The following RIMS1 variants were observed in gnomAD, a reference collection of about 807,000 sequenced individuals.
RIMS1 encodes regulating synaptic membrane exocytosis 1, also known as regulating synaptic membrane exocytosis protein 1.
RIMS1 carries 83 observed loss-of-function variants against 214.1 expected under a neutral mutation model. The ratio of observed to expected loss-of-function variants is 0.39; its 90% CI spans 0.32 to 0.47. The LOEUF is 0.47. RIMS1 is among the 20% of genes least tolerant of loss of function. The pLI, the probability that RIMS1 is intolerant of heterozygous loss-of-function variation, is 0.99. For synonymous variants in RIMS1, 793 were observed against 786.8 expected (o/e 1.01, Z -0.13); for missense variants, 2,050 against 2,161.8 (o/e 0.95, Z 1.03).
intron 6 of RIMS1, among the ~76,000 whole-genome samples, chr6:72,187,485 T>TTTG (rs1389049793): frequency 9.5e-5 from 14 of 148,112 alleles, no homozygotes; most frequent in African/African-American, 2.7e-4. Flanking sequence ...TTTTGTTTTT[T>TTTG]TTTTTTTTTT....
chr6:72,163,199 C>T lies in RIMS1; in HGVS notation c.472-16376C>T, dbSNP rs1003313655. On this transcript the variant is annotated intron_variant, in intron 4 of 33. Coordinates refer to ENST00000521978, the MANE Select transcript of RIMS1 (RefSeq NM_014989.7). Reference sequence around the variant, plus strand: ...AATCGGCTACTGAGGCTTCTGCATTCATCACATAGTTCTTGTGCCATGGTT... The same window carrying T: ...AATCGGCTACTGAGGCTTCTGCATTTATCACATAGTTCTTGTGCCATGGTT... 1.3e-4 allele frequency among the ~76,000 whole-genome samples: 18 copies of T among 139,884 alleles called. 5 individuals carry two copies. Among genetic ancestry groups the T allele is most frequent in the South Asian group, 7.3e-4 (3 of 4,122 alleles). 91.8% of individuals were successfully genotyped at this position (139,884 alleles called of 152,430 possible).
chr6:72,152,084 C>A (rs935387560), intron 4 of RIMS1, among the ~76,000 whole-genome samples: 4 of 152,098 alleles, frequency 2.6e-5, no homozygotes, highest in African/African-American at 9.7e-5. Context: ...CCCCACGATC[C>A]AAACCCTATC....
chr6:72,019,379 G>T (rs1345130795), intron 2 of RIMS1, among the ~76,000 whole-genome samples: 1 of 152,180 alleles, frequency 6.6e-6, no homozygotes, highest in East Asian at 1.9e-4. Context: ...ACTTGCCAGT[G>T]CTCAAGTGAG....
chr6:72,280,752 C>A (rs2154211940), intron 23 of RIMS1, among the ~76,000 whole-genome samples: 1 of 152,160 alleles, frequency 6.6e-6, no homozygotes, highest in East Asian at 1.9e-4. Flanking sequence ...AGTTATAGAG[C>A]ACTGGCTCTA....
intron 2 of RIMS1, among the ~76,000 whole-genome samples, chr6:72,023,526 T>G (rs1274361457): frequency 1.3e-5 from 2 of 152,074 alleles, no homozygotes; most frequent in Non-Finnish European, 2.9e-5. Flanking sequence ...ATAAAACTTT[T>G]TTTCTAGTCA....
At chr6:72,341,536 C>T (rs2097092490) in intron 29 of RIMS1, among the ~76,000 whole-genome samples, 1 of 151,784 alleles carries the variant, frequency 6.6e-6, no homozygotes, top group Non-Finnish European at 1.5e-5. Context: ...CTAGAAATTA[C>T]TCAATTTACT....
At chr6:72,271,560 T>C (rs2083395143) in intron 22 of RIMS1, among the ~76,000 whole-genome samples, 1 of 151,998 alleles carries the variant, frequency 6.6e-6, no homozygotes, top group Non-Finnish European at 1.5e-5. Context: ...TGCCAAGAGA[T>C]ATGCACCATT....
intron 6 of RIMS1, among the ~76,000 whole-genome samples, chr6:72,202,780 A>G (rs2052231841): frequency 6.6e-6 from 1 of 152,150 alleles, no homozygotes; most frequent in Admixed American, 6.5e-5. Context: ...TCATGAGGAC[A>G]TAAATAAGTT....
chr6:72,064,173 C>T (rs949559712), intron 2 of RIMS1, among the ~76,000 whole-genome samples: 5 of 152,116 alleles, frequency 3.3e-5, no homozygotes, highest in African/African-American at 1.2e-4. Flanking sequence ...CAAAAATTAG[C>T]CAGGCATAGC....
At chr6:72,020,377 A>G (rs1003870186) in intron 2 of RIMS1, among the ~76,000 whole-genome samples, 7 of 152,156 alleles carry the variant, frequency 4.6e-5, no homozygotes, top group Non-Finnish European at 1.0e-4. Context: ...TATTGGTGTT[A>G]TCTTTGTAAA....
intron 2 of RIMS1, among the ~76,000 whole-genome samples, chr6:72,038,275 A>T (rs1585404576): frequency 6.6e-6 from 1 of 151,214 alleles, no homozygotes; most frequent in Middle Eastern, 3.4e-3. Context: ...GACGTTACAA[A>T]GATATTTCTA....
chr6:72,266,180 C>G (rs942408880), intron 22 of RIMS1, 131 bp downstream of exon 22: 1 of 724,802 alleles, frequency 1.4e-6, no homozygotes, highest in East Asian at 2.7e-5. Context: ...CTACATTTCC[C>G]CTTCCCTTAT....
Position 72,092,166 on chromosome 6 carries a change from T to C in RIMS1, c.246-4783T>C, listed in dbSNP as rs190845437. Among the ~76,000 whole-genome samples the C allele has an allele frequency of 1.3e-3, 200 of 152,202 alleles. 2 individuals are homozygous for C. The highest frequency in any genetic ancestry group is 1.7e-3 in the Non-Finnish European group (118 of 68,002). On this transcript the variant is annotated intron_variant, in intron 2 of 33. Transcript: ENST00000521978. The stretch of plus-strand genomic sequence containing the variant: ...ATGAATTGAGAAAAGGGCATTAAGG[T>C]TGTATTTTAAGAGAACAATTTAATA...
chr6:72,094,008 G>A (rs571766892), intron 2 of RIMS1, among the ~76,000 whole-genome samples: 8 of 152,040 alleles, frequency 5.3e-5, no homozygotes, highest in Admixed American at 2.0e-4. Context: ...CAGCTCAAAC[G>A]TACATTAAAA....
intron 4 of RIMS1, among the ~76,000 whole-genome samples, chr6:72,121,220 T>C (rs2038232411): frequency 6.6e-6 from 1 of 151,920 alleles, no homozygotes; most frequent in Admixed American, 6.6e-5. Context: ...GGGGATGGCA[T>C]TGAATCTATA....
At chr6:72,127,287 T>C (rs574018634) in intron 4 of RIMS1, among the ~76,000 whole-genome samples, 7 of 152,322 alleles carry the variant, frequency 4.6e-5, no homozygotes, top group African/African-American at 1.7e-4. Context: ...CAGAGGCTAA[T>C]ACCAGTACAT....
intron 3 of RIMS1, among the ~76,000 whole-genome samples, chr6:72,099,618 A>G (rs1300619438): frequency 6.6e-6 from 1 of 152,152 alleles, no homozygotes; most frequent in Non-Finnish European, 1.5e-5. Flanking sequence ...GCATTTTAAT[A>G]AAATATTTTT....
intron 2 of RIMS1, among the ~76,000 whole-genome samples, chr6:71,984,257 T>C (rs1250941832): frequency 2.0e-5 from 3 of 151,636 alleles, no homozygotes; most frequent in East Asian, 1.9e-4. Flanking sequence ...TTAGATGAAA[T>C]AGAAGGAGGC....
At chr6:72,342,787 GCGATAATT>G (rs1429501071) in intron 29 of RIMS1, among the ~76,000 whole-genome samples, 2 of 151,830 alleles carry the variant, frequency 1.3e-5, no homozygotes, top group East Asian at 3.9e-4. Context: ...GAGAACAGAG[GCGATAATT>G]CAAGAACACA....
Sources: allele counts gnomAD v4.1 joint callset (sites outside exome capture counted in the v4.1 genomes callset), GRCh38; gene constraint gnomAD v4.1.1; transcripts MANE v1.5; gene names NCBI Gene and HGNC (gene_info 2026-07-23, HGNC 2026-07-21).